Variants in DRC5 observed in about 807,000 individuals in gnomAD.
DRC5 encodes the protein dynein regulatory complex subunit 5.
At chr6:44,292,178 GTGGCTGGACACCTTGT>G in the DRC5 span, among the ~76,000 whole-genome samples, 1 of 152,140 alleles carries the variant, frequency 6.6e-6, no homozygotes. Flanking sequence ...AAGGCCCTCC[GTGGCTGGACACCTTGT>G]TGGAAATAAG....
chr6:44,296,849 C>T, the DRC5 span, among the ~76,000 whole-genome samples: 2 of 48,676 alleles, frequency 4.1e-5, no homozygotes, highest in African/African-American at 1.0e-4. Flanking sequence ...ATCCTTCATG[C>T]CCACCATGTC....
At chr6:44,282,569 G>A in the DRC5 span, 1 of 1,574,324 alleles carries the variant, frequency 6.4e-7, no homozygotes, top group East Asian at 2.2e-5. Context: ...TCTGTGGGCA[G>A]GCAGAGGGTC....
the DRC5 span, among the ~76,000 whole-genome samples, chr6:44,290,878 G>GCCCCAGCACCAGA: frequency 6.6e-6 from 1 of 152,106 alleles, no homozygotes; most frequent in African/African-American, 2.4e-5. Context: ...ACCCCACCTG[G>GCCCCAGCACCAGA]GGCCAGGTGG....
chr6:44,284,807 T>C, the DRC5 span, among the ~76,000 whole-genome samples: 1 of 152,326 alleles, frequency 6.6e-6, no homozygotes, highest in East Asian at 1.9e-4. Context: ...GAAATGACCC[T>C]CACCCTCACC....
the DRC5 span, among the ~76,000 whole-genome samples, chr6:44,296,077 C>G: frequency 1.3e-5 from 2 of 152,170 alleles, no homozygotes; most frequent in African/African-American, 4.8e-5. Flanking sequence ...AATGAGGAAA[C>G]TGAAACTTAG....
the DRC5 span, chr6:44,282,614 C>T: frequency 6.7e-7 from 1 of 1,491,748 alleles, no homozygotes; most frequent in Non-Finnish European, 9.0e-7. Flanking sequence ...ATCAGCCTGC[C>T]CACCTAGATC....
chr6:44,284,525 C>G, the DRC5 span, among the ~76,000 whole-genome samples: 3 of 152,092 alleles, frequency 2.0e-5, no homozygotes, highest in African/African-American at 7.2e-5. Context: ...ACCCAACTAA[C>G]GAAATGACCC....
chr6:44,288,241 A>C, the DRC5 span, among the ~76,000 whole-genome samples: 1 of 152,170 alleles, frequency 6.6e-6, no homozygotes, highest in African/African-American at 2.4e-5. Context: ...AATTACAGTA[A>C]TTGCTCTGTG....
At chr6:44,295,735 C>T in the DRC5 span, among the ~76,000 whole-genome samples, 1 of 152,192 alleles carries the variant, frequency 6.6e-6, no homozygotes, top group Non-Finnish European at 1.5e-5. Flanking sequence ...CAGCAGCTGG[C>T]TAAGTACTCA....
At chr6:44,283,444 T>C in the DRC5 span, among the ~76,000 whole-genome samples, 1 of 152,186 alleles carries the variant, frequency 6.6e-6, no homozygotes, top group African/African-American at 2.4e-5. Context: ...ATGAATATTG[T>C]CCATGGGAAC....
chr6:44,280,450 T>C, the DRC5 span: 4 of 1,279,816 alleles, frequency 3.1e-6, no homozygotes, highest in South Asian at 2.6e-5. Context: ...CTGACACACA[T>C]ACTACACATT....
the DRC5 span, chr6:44,287,813 C>T: frequency 3.7e-5 from 60 of 1,613,610 alleles, no homozygotes; most frequent in Middle Eastern, 3.3e-4. Flanking sequence ...GATGTCGTTA[C>T]GGTATCCTGC....
At chr6:44,283,928 A>G in the DRC5 span, among the ~76,000 whole-genome samples, 1 of 152,148 alleles carries the variant, frequency 6.6e-6, no homozygotes, top group South Asian at 2.1e-4. Flanking sequence ...CATTTTCCTG[A>G]TACCAAGCAC....
At chr6:44,282,202 G>A in the DRC5 span, 2,328 of 1,614,186 alleles carry the variant, frequency 1.4e-3, 33 homozygotes, top group African/African-American at 0.026. Flanking sequence ...GGCTCAGACA[G>A]CTCATTGCCA....
At chr6:44,280,370 C>CA in the DRC5 span, 1 of 1,613,444 alleles carries the variant, frequency 6.2e-7, no homozygotes, top group Non-Finnish European at 8.5e-7. Flanking sequence ...ACATGCCTTC[C>CA]AGGAGCTGCT....
the DRC5 span, among the ~76,000 whole-genome samples, chr6:44,296,941 G>GCCAGTTCACCTACCACAGCCCCTGGACT: frequency 6.7e-6 from 1 of 150,338 alleles, no homozygotes; most frequent in African/African-American, 2.5e-5. Flanking sequence ...GCCTCGGCCC[G>GCCAGTTCACCTACCACAGCCCCTGGACT]TGTGCTTGGA....
chr6:44,290,464 C>T, the DRC5 span, among the ~76,000 whole-genome samples: 1 of 152,156 alleles, frequency 6.6e-6, no homozygotes, highest in African/African-American at 2.4e-5. Context: ...AGACCTGCTT[C>T]TTGAGTGCTG....
chr6:44,292,928 C>A, the DRC5 span, among the ~76,000 whole-genome samples: 1 of 152,208 alleles, frequency 6.6e-6, no homozygotes, highest in African/African-American at 2.4e-5. Flanking sequence ...TTGGCAGTGC[C>A]TTCAGCTCTG....
chr6:44,287,329 G>A, the DRC5 span: 20 of 753,120 alleles, frequency 2.7e-5, 1 homozygote, highest in Non-Finnish European at 3.2e-5. Flanking sequence ...GGAGGGTGCA[G>A]TGTGGGTGGG....
Sources: allele counts gnomAD v4.1 joint callset (sites outside exome capture counted in the v4.1 genomes callset), GRCh38; gene constraint gnomAD v4.1.1; transcripts MANE v1.5; gene names NCBI Gene and HGNC (gene_info 2026-07-23, HGNC 2026-07-21).